Variants in ABCC12 observed in about 807,000 individuals in gnomAD.
ABCC12 encodes the protein ATP-binding cassette sub-family C member 12.
ABCC12 carries 142 observed loss-of-function variants against 151.1 expected under a neutral mutation model. That is an observed-to-expected ratio of 0.94 (90% CI 0.82 to 1.08). The LOEUF (loss-of-function observed/expected upper bound fraction) is 1.08. ABCC12 is among the 50% of genes least tolerant of loss of function. ABCC12 has a pLI of 0.00. For missense variants in ABCC12, 1,638 were observed against 1,691.1 expected, an observed-to-expected ratio of 0.97 and a Z score of 0.55; for synonymous variants, 645 against 646.4, an observed-to-expected ratio of 1.00 and a Z score of 0.03.
chr16:48,130,928 AAGG>A (rs1460148979), intron 9 of ABCC12, 33 bp from the exon 10 acceptor site: 2 of 1,515,262 alleles, frequency 1.3e-6, no homozygotes, highest in Non-Finnish European at 1.8e-6. Flanking sequence ...GAGGGTTTAG[AAGG>A]AGAAGTCACG....
At chr16:48,105,962 A>G (rs914754113) in intron 20 of ABCC12, among the ~76,000 whole-genome samples, 2 of 152,102 alleles carry the variant, frequency 1.3e-5, no homozygotes, top group Non-Finnish European at 2.9e-5. Context: ...GGATTCAAAG[A>G]ATCTGTGGCT....
chr16:48,113,826 C>G (rs926246537), intron 15 of ABCC12, among the ~76,000 whole-genome samples: 32 of 152,148 alleles, frequency 2.1e-4, no homozygotes, highest in African/African-American at 7.7e-4. Context: ...GAACCAGGAC[C>G]AAGGTTATGA....
intron 6 of ABCC12, 139 bp from the exon 7 acceptor site, chr16:48,139,475 C>A (rs1424260881): frequency 2.5e-6 from 2 of 813,618 alleles, no homozygotes; most frequent in Admixed American, 3.0e-5. Flanking sequence ...TCACCGGGGA[C>A]CAATATGATG....
intron 15 of ABCC12, among the ~76,000 whole-genome samples, chr16:48,114,390 A>G (rs1963804013): frequency 6.6e-6 from 1 of 152,106 alleles, no homozygotes; most frequent in South Asian, 2.1e-4. Context: ...AGCCATGGCA[A>G]CTTTATTTGC....
chr16:48,128,385 A>C, intron 11 of ABCC12, 74 bp downstream of exon 11: 1 of 1,570,208 alleles, frequency 6.4e-7, no homozygotes, highest in Non-Finnish European at 8.6e-7. Context: ...GAACTGTATC[A>C]GACCTGGAGA....
chr16:48,105,222 C>T lies in ABCC12; in HGVS notation c.2590G>A (p.Val864Met), dbSNP rs371826542. The T allele has an allele frequency of 6.2e-7, 1 of 1,614,194 alleles. No homozygotes were observed. The highest frequency in any genetic ancestry group is 8.5e-7 in the Non-Finnish European group (1 of 1,180,040). Reference sequence around the variant, plus strand: ...ACGAAGCCTTTGGTGACGCCAAACACCAGCATGAACACCATGCTTGCAGTG... The same window carrying T: ...ACGAAGCCTTTGGTGACGCCAAACATCAGCATGAACACCATGCTTGCAGTG... Reference protein sequence around the residue: ...VYTASMVFMLVFGVTKGFVFT... With the variant: ...VYTASMVFMLMFGVTKGFVFT... The change falls in exon 21 of 31, where the codon GTG (valine) becomes ATG (methionine). Residue 864 changes from valine (V) to methionine (M), a missense_variant. Transcript: ENST00000311303.
In ABCC12 at chr16:48,143,994, A is replaced by G. The variant is rs915261551; in HGVS notation, c.191T>C (p.Met64Thr). Residue 64 changes from methionine (M) to threonine (T), a missense_variant, in exon 4 of 31, where the codon ATG becomes ACG. Met to Thr is a moderately conservative substitution (Grantham distance 81). Coordinates refer to ENST00000311303, the MANE Select transcript of ABCC12 (RefSeq NM_001393797.1). ...CAGCCTTTGCCGGTAGCCTTTCACC[A>G]TCACCGGCGTGAGCCAGGAAAATGT... ...FATFSWLTPV[M>T]VKGYRQRLTV... 6.2e-7 allele frequency: 1 copy of G among 1,614,238 alleles called. No homozygotes were observed. The highest frequency in any genetic ancestry group is 8.5e-7 in the Non-Finnish European group (1 of 1,180,048).
intron 19 of ABCC12, 114 bp from the exon 20 acceptor site, chr16:48,107,539 C>T: frequency 1.1e-6 from 1 of 869,708 alleles, no homozygotes; most frequent in African/African-American, 1.7e-5. Flanking sequence ...GAAAAGGACT[C>T]CCACGCCTGG....
chr16:48,137,335 A>G lies in ABCC12; in HGVS notation c.979+893T>C, dbSNP rs1045103773. 1.4e-4 allele frequency among the ~76,000 whole-genome samples: 22 copies of G among 152,254 alleles called. 1 individual carries two copies. The highest frequency in any genetic ancestry group is 1.2e-3 in the Admixed American group (19 of 15,284). On this transcript the variant is annotated intron_variant, in intron 8 of 30. Coordinates refer to ENST00000311303, the MANE Select transcript of ABCC12 (RefSeq NM_001393797.1). ...TAGCTCCCATGGCCTTGCACAAAGT[A>G]GGAACTTGATATATATTTATTGAAC...
chr16:48,093,704 C>A (rs1962993715), intron 24 of ABCC12, among the ~76,000 whole-genome samples: 1 of 152,186 alleles, frequency 6.6e-6, no homozygotes. Flanking sequence ...AATGAATGAA[C>A]CCTGCCCTTG....
chr16:48,102,689 G>A (rs565706179), intron 22 of ABCC12, among the ~76,000 whole-genome samples: 4 of 152,208 alleles, frequency 2.6e-5, no homozygotes, highest in South Asian at 2.1e-4. Flanking sequence ...TCCCACACCC[G>A]CATTTGCCAC....
chr16:48,111,369 T>G, intron 18 of ABCC12, 67 bp downstream of exon 18: 1 of 1,545,602 alleles, frequency 6.5e-7, no homozygotes, highest in Non-Finnish European at 8.9e-7. Flanking sequence ...ACACTGTCTG[T>G]ATCCCAAACG....
chr16:48,145,107 A>G (rs1964953843), intron 3 of ABCC12, among the ~76,000 whole-genome samples: 1 of 152,102 alleles, frequency 6.6e-6, no homozygotes, highest in Non-Finnish European at 1.5e-5. Flanking sequence ...GAAAAAGTGG[A>G]CAGTTAGAGA....
chr16:48,082,244 C>A lies in ABCC12; in HGVS notation c.*1471G>T, dbSNP rs1280240807. 6.6e-6 allele frequency among the ~76,000 whole-genome samples: 1 copy of A among 152,194 alleles called. No homozygotes were observed. The highest frequency in any genetic ancestry group is 2.4e-5 in the African/African-American group (1 of 41,462). On this transcript the variant is annotated 3_prime_UTR_variant, in exon 31 of 31. Transcript: ENST00000311303. Reference sequence around the variant, plus strand: ...GATCCATTGCTGCCAAGCTGCTGGGCCAGGGCTTTCATGCAGTTGCCAGGT... The same window carrying A: ...GATCCATTGCTGCCAAGCTGCTGGGACAGGGCTTTCATGCAGTTGCCAGGT...
Position 48,088,020 on chromosome 16 carries a change from C to T in ABCC12, c.3541G>A (p.Asp1181Asn). ...VEPASGTIFI[D>N]EVDICILSLE... ...CTGAGAATGCAGATATCCACCTCAT[C>T]AATAAAGATTGTGCCACTGGCTGGC... Residue 1181 changes from aspartate to asparagine, a missense_variant, in exon 27 of 31, where the codon GAT (aspartate) becomes AAT (asparagine). Transcript: ENST00000311303. 6.2e-7 allele frequency: 1 copy of T among 1,614,214 alleles called. No homozygotes were observed. Among genetic ancestry groups the T allele is most frequent in the Non-Finnish European group, 8.5e-7 (1 of 1,180,026 alleles).
chr16:48,141,130 G>C, intron 5 of ABCC12, 76 bp downstream of exon 5: 4 of 1,569,882 alleles, frequency 2.5e-6, no homozygotes, highest in Non-Finnish European at 3.5e-6. Context: ...CCACCAGCTC[G>C]TAGAGAAAGT....
At position 48,083,799 on chromosome 16, in the gene ABCC12, C is replaced by A. The variant is rs540503825; in HGVS notation, c.3996G>T (p.Val1332=). The A allele has an allele frequency of 6.2e-7, 1 of 1,614,180 alleles. No individual in the cohort carries two copies. Among genetic ancestry groups the A allele is most frequent in the South Asian group, 1.1e-5 (1 of 91,076 alleles). Residue 1332 remains valine (V), a splice_region_variant and synonymous_variant, in exon 31 of 31, where the codon GTG becomes GTT. Coordinates refer to ENST00000311303, the MANE Select transcript of ABCC12 (RefSeq NM_001393797.1). ...DHVLVMENGK[V]IEFDKPEVLA... Reference sequence around the variant, plus strand: ...GGACTTCAGGCTTGTCAAACTCAATCACCTGAAAGTCAGAGAAGAAGAACT... The same window carrying A: ...GGACTTCAGGCTTGTCAAACTCAATAACCTGAAAGTCAGAGAAGAAGAACT...
At chr16:48,087,828 G>T in intron 27 of ABCC12, 98 bp downstream of exon 27, 1 of 1,339,172 alleles carries the variant, frequency 7.5e-7, no homozygotes, top group Non-Finnish European at 1.0e-6. Context: ...AGACAGAACA[G>T]CTCCAGGCCA....
intron 21 of ABCC12, among the ~76,000 whole-genome samples, chr16:48,104,895 C>T (rs185645673): frequency 6.6e-6 from 1 of 152,314 alleles, no homozygotes; most frequent in Admixed American, 6.5e-5. Context: ...ATCTCTGCGG[C>T]GGAGTGGCCT....
Sources: gnomAD v4.1 joint callset for allele counts (sites outside exome capture counted in the v4.1 genomes callset) on GRCh38, gnomAD v4.1.1 for gene constraint, MANE v1.5 for transcripts, NCBI Gene and HGNC (gene_info 2026-07-23, HGNC 2026-07-21) for gene names.